The following GRIK4 variants were observed in gnomAD, a reference collection of about 807,000 sequenced individuals.
GRIK4 encodes the protein glutamate receptor ionotropic, kainate 4.
Under a neutral mutation model 104.9 loss-of-function variants are expected in GRIK4, and 40 were observed. The observed-to-expected ratio is 0.38, with a 90% confidence interval of 0.30 to 0.50. GRIK4 has a LOEUF of 0.50. Among genes scored for constraint, GRIK4 ranks in the 20% least tolerant of loss-of-function variants. GRIK4 has a pLI of 0.93. For synonymous variants in GRIK4, 485 were observed against 524.9 expected, an observed-to-expected ratio of 0.92 and a Z score of 1.04; for missense variants, 1,047 against 1,308.1, an observed-to-expected ratio of 0.80 and a Z score of 3.08.
Position 120,986,436 on chromosome 11 carries a change from C to T in GRIK4, c.*176C>T, listed in dbSNP as rs1281048269. 1.0e-5 allele frequency: 9 copies of T among 890,978 alleles called. No individual in the cohort carries two copies. The highest frequency in any genetic ancestry group is 2.0e-5 in the South Asian group (1 of 51,184). 55.2% of individuals were successfully genotyped at this position (890,978 alleles called of 1,614,324 possible). A position where few individuals can be genotyped will look rare whatever the true frequency, so the allele number is the denominator to read the frequency against. On this transcript the variant is annotated 3_prime_UTR_variant, in exon 21 of 21. Transcript: ENST00000527524. ...TGACGCCCCAGCCAGAGACCGCGCC[C>T]GGTCAGGGAGCAGGGTCCACCCGGA...
intron 7 of GRIK4, among the ~76,000 whole-genome samples, chr11:120,834,637 G>C (rs138098318): frequency 1.3e-5 from 2 of 152,296 alleles, no homozygotes; most frequent in African/African-American, 4.8e-5. Flanking sequence ...GGAGCACACG[G>C]GGCCTCTGGG....
At chr11:120,963,465 C>G (rs1241871710) in intron 18 of GRIK4, among the ~76,000 whole-genome samples, 2 of 152,186 alleles carry the variant, frequency 1.3e-5, no homozygotes, top group Admixed American at 1.3e-4. Context: ...GAATGTTCCT[C>G]CAGCCGCTTC....
intron 1 of GRIK4, among the ~76,000 whole-genome samples, chr11:120,648,452 C>A (rs1473749614): frequency 6.6e-6 from 1 of 152,178 alleles, no homozygotes; most frequent in Non-Finnish European, 1.5e-5. Context: ...AGCCAGGGAT[C>A]TTTGAGGTGA....
chr11:120,687,893 G>T (rs2135302528), intron 3 of GRIK4, among the ~76,000 whole-genome samples: 1 of 152,280 alleles, frequency 6.6e-6, no homozygotes, highest in Non-Finnish European at 1.5e-5. Context: ...AACACTCTCT[G>T]CTTTATAGAG....
intron 3 of GRIK4, among the ~76,000 whole-genome samples, chr11:120,662,954 T>C (rs1949844043): frequency 6.6e-6 from 1 of 152,198 alleles, no homozygotes; most frequent in Non-Finnish European, 1.5e-5. Flanking sequence ...GGGCAGGAGA[T>C]ACAGCCAAAT....
At chr11:120,575,905 G>A (rs1031119123) in intron 1 of GRIK4, 6 of 151,852 alleles carry the variant, frequency 4.0e-5, no homozygotes, top group Non-Finnish European at 5.9e-5. Flanking sequence ...CGAGGCTGCA[G>A]TGAGTTATGA....
At chr11:120,784,613 G>A (rs1424797215) in intron 3 of GRIK4, among the ~76,000 whole-genome samples, 1 of 152,050 alleles carries the variant, frequency 6.6e-6, no homozygotes, top group Non-Finnish European at 1.5e-5. Flanking sequence ...TATGGCTTAG[G>A]GTCACCCTGT....
At chr11:120,977,575 T>C (rs2134783899) in intron 19 of GRIK4, among the ~76,000 whole-genome samples, 1 of 152,346 alleles carries the variant, frequency 6.6e-6, no homozygotes, top group East Asian at 1.9e-4. Context: ...TGCTTCCTCT[T>C]TCCAATAACT....
At chr11:120,983,879 T>C (rs536754897) in intron 20 of GRIK4, among the ~76,000 whole-genome samples, 8 of 152,328 alleles carry the variant, frequency 5.3e-5, no homozygotes, top group African/African-American at 1.4e-4. Context: ...TAAATCTACA[T>C]TGTTATAGTA....
chr11:120,651,528 G>A (rs542515639), intron 1 of GRIK4, among the ~76,000 whole-genome samples: 1 of 152,276 alleles, frequency 6.6e-6, no homozygotes, highest in African/African-American at 2.4e-5. Context: ...ATGACTGTCT[G>A]TAGTCCTGTG....
chr11:120,560,524 A>G (rs1259780386), intron 1 of GRIK4, among the ~76,000 whole-genome samples: 1 of 152,246 alleles, frequency 6.6e-6, no homozygotes, highest in African/African-American at 2.4e-5. Context: ...TAGTATGTAT[A>G]TGTGTGTATA....
At chr11:120,843,080 A>C (rs199963388) in intron 8 of GRIK4, among the ~76,000 whole-genome samples, 1 of 152,268 alleles carries the variant, frequency 6.6e-6, no homozygotes, top group Non-Finnish European at 1.5e-5. Flanking sequence ...TTGAGATTTA[A>C]GGGTAAAGGT....
At chr11:120,654,751 A>G (rs969655166) in intron 2 of GRIK4, among the ~76,000 whole-genome samples, 1 of 152,176 alleles carries the variant, frequency 6.6e-6, no homozygotes, top group East Asian at 1.9e-4. Context: ...GGGACTATTA[A>G]CATCCCCATA....
At chr11:120,752,882 C>T (rs1951581448) in intron 3 of GRIK4, among the ~76,000 whole-genome samples, 1 of 152,218 alleles carries the variant, frequency 6.6e-6, no homozygotes, top group South Asian at 2.1e-4. Flanking sequence ...CCTCCATAGT[C>T]AAGTCAGAGG....
intron 1 of GRIK4, among the ~76,000 whole-genome samples, chr11:120,519,378 G>A (rs768431022): frequency 1.3e-4 from 20 of 152,118 alleles, no homozygotes; most frequent in Non-Finnish European, 2.1e-4. Flanking sequence ...GAGCCCTCAC[G>A]AATGGGATTA....
intron 1 of GRIK4, among the ~76,000 whole-genome samples, chr11:120,653,317 G>T (rs184973553): frequency 6.6e-6 from 1 of 152,202 alleles, no homozygotes; most frequent in South Asian, 2.1e-4. Flanking sequence ...TTGTAAAAAA[G>T]TGGAAATGAG....
chr11:120,717,156 A>G (rs888039525), intron 3 of GRIK4, among the ~76,000 whole-genome samples: 2 of 152,162 alleles, frequency 1.3e-5, no homozygotes, highest in Non-Finnish European at 1.5e-5. Flanking sequence ...CCCTGTGCTC[A>G]TCGCGGAACT....
At chr11:120,542,993 A>C (rs75510322) in intron 1 of GRIK4, among the ~76,000 whole-genome samples, 7,471 of 152,248 alleles carry the variant, frequency 0.049, 202 homozygotes, top group East Asian at 0.099. Context: ...TGCTTTCTCT[A>C]ATTTGTGAAT....
At chr11:120,881,868 CGTGGCCCT>C (rs1422712363) in intron 11 of GRIK4, among the ~76,000 whole-genome samples, 1 of 152,112 alleles carries the variant, frequency 6.6e-6, no homozygotes, top group Non-Finnish European at 1.5e-5. Context: ...CATTTCTTAT[CGTGGCCCT>C]GTGCAGCTGA....
Sources: allele counts gnomAD v4.1 joint callset (sites outside exome capture counted in the v4.1 genomes callset), GRCh38; gene constraint gnomAD v4.1.1; transcripts MANE v1.5; gene names NCBI Gene and HGNC (gene_info 2026-07-23, HGNC 2026-07-21).